Variants in TG observed in about 807,000 individuals in gnomAD.
TG encodes thyroid hormones.
TG carries 270 observed loss-of-function variants against 324.7 expected under a neutral mutation model. That is an observed-to-expected ratio of 0.83 (90% CI 0.75 to 0.92). The LOEUF is 0.92. TG is among the 40% of genes least tolerant of loss of function. The pLI is 0.00. For synonymous variants in TG, 1,401 were observed against 1,327.0 expected (o/e 1.06, Z -1.21); for missense variants, 3,591 against 3,456.4 (o/e 1.04, Z -0.98).
At chr8:132,890,883 C>T (rs190037318) in intron 10 of TG, among the ~76,000 whole-genome samples, 7 of 152,284 alleles carry the variant, frequency 4.6e-5, no homozygotes, top group Admixed American at 2.6e-4. Context: ...CTATCTCTGG[C>T]CTGTTTGAAA....
chr8:132,972,861 A>G, intron 34 of TG, 120 bp downstream of exon 34: 1 of 1,333,718 alleles, frequency 7.5e-7, no homozygotes, highest in South Asian at 1.2e-5. Flanking sequence ...GGGTTCAAGC[A>G]ACAGAAATAG....
At chr8:133,092,123 A>G (rs1395922333) in intron 41 of TG, among the ~76,000 whole-genome samples, 1 of 152,098 alleles carries the variant, frequency 6.6e-6, no homozygotes, top group Non-Finnish European at 1.5e-5. Flanking sequence ...TTAAAAGAGA[A>G]AGAGAATCCT....
chr8:132,952,788 A>G (rs1158655902), intron 27 of TG, among the ~76,000 whole-genome samples: 1 of 152,220 alleles, frequency 6.6e-6, no homozygotes, highest in East Asian at 1.9e-4. Context: ...GTTATATCAC[A>G]ATTTCACTCA....
At chr8:133,068,889 C>G (rs1448872018) in intron 41 of TG, among the ~76,000 whole-genome samples, 1 of 152,256 alleles carries the variant, frequency 6.6e-6, no homozygotes, top group South Asian at 2.1e-4. Flanking sequence ...TCTGTTGGAC[C>G]AGAACAAATT....
chr8:133,097,419 G>C (rs564100154), intron 43 of TG, among the ~76,000 whole-genome samples: 2 of 152,286 alleles, frequency 1.3e-5, no homozygotes, highest in South Asian at 4.1e-4. Context: ...CAACTCAAAT[G>C]TCCATTAACA....
At position 132,888,169 on chromosome 8, in the gene TG, T is replaced by C. The variant is rs1294192732; in HGVS notation, c.2362T>C (p.Trp788Arg). 1.2e-6 allele frequency: 2 copies of C among 1,614,044 alleles called. No individual in the cohort carries two copies. Among genetic ancestry groups the C allele is most frequent in the African/African-American group, 1.3e-5 (1 of 74,908 alleles). ...PEQVFELYQR[W>R]EAQNKGQDLT... is the part of the protein sequence containing the mutation. ...GCAGGTCTTCGAGTTGTACCAACGATGGGAGGCTCAGAACAAGGGCCAGGA... is the reference window on the plus strand; with the variant it reads ...GCAGGTCTTCGAGTTGTACCAACGACGGGAGGCTCAGAACAAGGGCCAGGA... The change falls in exon 10 of 48, where the codon TGG (tryptophan) becomes CGG (arginine). Residue 788 changes from tryptophan (W) to arginine (R), a missense_variant. Coordinates refer to ENST00000220616, the MANE Select transcript of TG (RefSeq NM_003235.5).
In TG at chr8:133,019,803, A is replaced by C. The variant is rs570127954; in HGVS notation, c.6876+108A>C. The C allele has an allele frequency of 6.5e-6, 6 of 922,296 alleles. No individual in the cohort carries two copies. The African/African-American group carries it at 9.8e-5, about 15-fold the overall frequency. The allele number at this position is 922,296 out of a possible 1,614,324, so 57.1% of individuals were successfully genotyped here. The stretch of plus-strand genomic sequence containing the variant: ...CAGTCTCCTCCTCTGTGGCCTGCTG[A>C]GCTGAGGTTAGGTGATTTGCCTAAG... On this transcript the variant is annotated intron_variant, in intron 39 of 47. Transcript: ENST00000220616.
At chr8:133,015,466 A>T (rs1395424543) in intron 37 of TG, among the ~76,000 whole-genome samples, 2 of 152,234 alleles carry the variant, frequency 1.3e-5, no homozygotes, top group Non-Finnish European at 2.9e-5. Flanking sequence ...CTGCAAAAGA[A>T]TTTGAAAGAG....
intron 27 of TG, among the ~76,000 whole-genome samples, chr8:132,955,427 A>C (rs1587557848): frequency 6.6e-6 from 1 of 152,320 alleles, no homozygotes; most frequent in Non-Finnish European, 1.5e-5. Flanking sequence ...AATCAGATGA[A>C]CAAGAATCCT....
chr8:132,953,780 C>T (rs1473706563), intron 27 of TG, among the ~76,000 whole-genome samples: 1 of 152,094 alleles, frequency 6.6e-6, no homozygotes, highest in African/African-American at 2.4e-5. Flanking sequence ...AGAGAGAAAT[C>T]CACTCAGGAT....
intron 35 of TG, among the ~76,000 whole-genome samples, chr8:132,991,387 A>G (rs1006027511): frequency 1.3e-5 from 2 of 152,160 alleles, no homozygotes; most frequent in Non-Finnish European, 2.9e-5. Flanking sequence ...ATGGCGTGTT[A>G]AAGGCACACA....
At chr8:132,959,293 T>C (rs980729300) in intron 27 of TG, among the ~76,000 whole-genome samples, 2 of 152,192 alleles carry the variant, frequency 1.3e-5, no homozygotes, top group African/African-American at 2.4e-5. Flanking sequence ...AATTCTGAAG[T>C]ACAGCCATGC....
intron 26 of TG, among the ~76,000 whole-genome samples, chr8:132,948,265 G>A (rs1825618166): frequency 6.6e-6 from 1 of 152,170 alleles, no homozygotes. Flanking sequence ...GTGTGTGCAT[G>A]TGAGAGAGCG....
chr8:132,901,214 G>T, intron 15 of TG, 139 bp from the exon 16 acceptor site: 2 of 909,758 alleles, frequency 2.2e-6, no homozygotes, highest in East Asian at 2.5e-5. Flanking sequence ...CCTCCTGGTG[G>T]GGAGGCAGCC....
At chr8:132,885,253 T>G (rs1277284134) in intron 8 of TG, among the ~76,000 whole-genome samples, 1 of 152,084 alleles carries the variant, frequency 6.6e-6, no homozygotes, top group Non-Finnish European at 1.5e-5. Context: ...ATTTTTTCTC[T>G]CTTAATGTGG....
At chr8:133,038,065 A>G in intron 41 of TG, 1 of 170,794 alleles carries the variant, frequency 5.9e-6, no homozygotes, top group Non-Finnish European at 1.3e-5. Context: ...CAGGGCACCC[A>G]TCTGCAAACC....
At chr8:132,986,504 G>A (rs1254365135) in intron 35 of TG, among the ~76,000 whole-genome samples, 1 of 151,978 alleles carries the variant, frequency 6.6e-6, no homozygotes, top group Non-Finnish European at 1.5e-5. Context: ...CATTCATTGA[G>A]TCTTCTATGT....
At chr8:132,872,008 CTTAG>C (rs1839525056) in intron 4 of TG, among the ~76,000 whole-genome samples, 2 of 151,924 alleles carry the variant, frequency 1.3e-5, no homozygotes. Flanking sequence ...GTGTGTATCT[CTTAG>C]TTTTTAACAA....
chr8:132,887,968 C>A lies in TG; in HGVS notation c.2177-16C>A. The A allele has an allele frequency of 6.2e-7, 1 of 1,607,028 alleles. No individual in the cohort carries two copies. Among genetic ancestry groups the A allele is most frequent in the South Asian group, 1.1e-5 (1 of 89,924 alleles). On this transcript the variant is annotated splice_polypyrimidine_tract_variant and intron_variant, in intron 9 of 47. Transcript: ENST00000220616. ...AATTTCTTAAACTGAAACACCTGCT[C>A]ATTGTTCCTCCCCAGGCCCCACGCC...
Sources: allele counts gnomAD v4.1 joint callset (sites outside exome capture counted in the v4.1 genomes callset), GRCh38; gene constraint gnomAD v4.1.1; transcripts MANE v1.5; gene names NCBI Gene and HGNC (gene_info 2026-07-23, HGNC 2026-07-21).